RFX2: variants seen among roughly 807,000 people sequenced by gnomAD.
The protein encoded by RFX2 is regulatory factor X2.
A neutral mutation model predicts 87.8 loss-of-function variants in RFX2; 20 were observed. The observed-to-expected ratio is 0.23, with a 90% CI of 0.16 to 0.33. The LOEUF (loss-of-function observed/expected upper bound fraction) is 0.33, where lower values mean the gene tolerates loss of function less well. RFX2 is among the 10% of genes least tolerant of loss of function. RFX2 has a pLI of 1.00. For missense variants in RFX2, 767 were observed against 1,012.3 expected (o/e 0.76, Z 3.29); for synonymous variants, 397 against 431.3 (o/e 0.92, Z 0.98).
rs1490303731 is a variant in RFX2 at position 6,053,774 on chromosome 19, G to A, written c.-8-6270C>T. On this transcript the variant is annotated intron_variant, in intron 1 of 17. Transcript: ENST00000303657. The stretch of plus-strand genomic sequence containing the variant: ...AGTTTGAGACCAGCCTGGCCAACAT[G>A]GTGAAACTCTGTCTCTACTAAAAAC... Among the ~76,000 whole-genome samples the A allele has an allele frequency of 2.0e-5, 3 of 152,026 alleles. No individual in the cohort carries two copies. The East Asian group carries it at 5.8e-4, about 29-fold the overall frequency.
chr19:6,070,229 G>GT lies in RFX2; in HGVS notation c.-8-22726_-8-22725insA, dbSNP rs1431705750. 2.7e-5 allele frequency among the ~76,000 whole-genome samples: 4 copies of GT among 148,846 alleles called. 1 individual carries two copies. The highest frequency in any genetic ancestry group is 4.9e-5 in the African/African-American group (2 of 40,618). ...GGGATGGGATGGGATGGGATGGGAT[G>GT]GGATGGGATGGGATGTGGATGGGAT... On this transcript the variant is annotated intron_variant, in intron 1 of 17. Transcript: ENST00000303657.
intron 1 of RFX2, among the ~76,000 whole-genome samples, chr19:6,077,704 G>C (rs1019866563): frequency 6.6e-6 from 1 of 152,172 alleles, no homozygotes; most frequent in Non-Finnish European, 1.5e-5. Flanking sequence ...GAAGGCGGCC[G>C]GGCGCGGTGG....
chr19:6,057,362 A>G (rs1051414072), intron 1 of RFX2: 7 of 152,344 alleles, frequency 4.6e-5, no homozygotes, highest in African/African-American at 1.4e-4. Context: ...GTAACCAGCA[A>G]TGTCAGGAAA....
rs1369876005 is a variant in RFX2, at chr19:6,044,450, G to A, written c.91-168C>T. On this transcript the variant is annotated intron_variant, in intron 2 of 17. Transcript: ENST00000303657. The surrounding 1 kb of genome is among the most constrained non-coding windows in gnomAD (Gnocchi z 5.3). ...ATGGTCAGACTTGCACACTCACACC[G>A]ACCTGGGCAGACACACGGCAGGTAC... Among the ~76,000 whole-genome samples, 1 of 152,190 alleles carries A rather than the reference G, an allele frequency of 6.6e-6. No homozygotes were observed. The highest frequency in any genetic ancestry group is 1.5e-5 in the Non-Finnish European group (1 of 68,024).
rs2086599623 is a variant in RFX2 at position 6,007,563 on chromosome 19, A to T, written c.1247+127T>A. 1.6e-6 allele frequency: 1 copy of T among 633,818 alleles called. No individual in the cohort carries two copies. The highest frequency in any genetic ancestry group is 2.8e-5 in the Admixed American group (1 of 35,970). The allele number at this position is 633,818 out of a possible 1,614,324, so 39.3% of individuals were successfully genotyped here. A position where few individuals can be genotyped will look rare whatever the true frequency, so the allele number is the denominator to read the frequency against. ...TCTACCAAGTCTAAAAATTACAGGG[A>T]TGGAGGCAGAGGGGTCTGAACCCTG... On this transcript the variant is annotated intron_variant, in intron 11 of 17. Transcript: ENST00000303657. This position sits in a 1 kb window ranked among gnomAD's most constrained non-coding sequence, Gnocchi z 8.2.
intron 1 of RFX2, among the ~76,000 whole-genome samples, chr19:6,048,028 A>G (rs1599881818): frequency 6.6e-6 from 1 of 152,152 alleles, no homozygotes; most frequent in Admixed American, 6.5e-5. Flanking sequence ...GCTGAGCAGC[A>G]CCCCTGGCCT....
At chr19:6,088,410 C>T (rs1327251019) in intron 1 of RFX2, among the ~76,000 whole-genome samples, 1 of 151,960 alleles carries the variant, frequency 6.6e-6, no homozygotes, top group Non-Finnish European at 1.5e-5. Context: ...GGGGTTTCTC[C>T]CTGTTGGTCA....
chr19:6,054,480 T>C (rs1308319326), intron 1 of RFX2, among the ~76,000 whole-genome samples: 3 of 152,178 alleles, frequency 2.0e-5, no homozygotes, highest in African/African-American at 7.2e-5. Flanking sequence ...GCAAAAATAA[T>C]TTAAAATATT....
chr19:6,104,464 G>T (rs905695853), intron 1 of RFX2, among the ~76,000 whole-genome samples: 3 of 151,642 alleles, frequency 2.0e-5, no homozygotes, highest in African/African-American at 7.3e-5. Context: ...AGCTACTCGG[G>T]AGGCTGAGGC....
intron 1 of RFX2, among the ~76,000 whole-genome samples, chr19:6,065,622 A>C (rs533085183): frequency 1.3e-4 from 20 of 152,312 alleles, no homozygotes; most frequent in African/African-American, 4.6e-4. Flanking sequence ...TCCAAAAAAA[A>C]CACAAATGAC....
At chr19:6,078,498 C>T (rs1000113679) in intron 1 of RFX2, among the ~76,000 whole-genome samples, 8 of 152,206 alleles carry the variant, frequency 5.3e-5, no homozygotes, top group Non-Finnish European at 8.8e-5. Flanking sequence ...AGAAGAGGTA[C>T]CGTCTCCAAG....
intron 5 of RFX2, among the ~76,000 whole-genome samples, chr19:6,032,111 G>C (rs2086960778): frequency 6.6e-6 from 1 of 152,068 alleles, no homozygotes; most frequent in Admixed American, 6.5e-5. Context: ...AATGCAGATT[G>C]TTTTTATTTT....
At chr19:6,033,700 A>G (rs1375165983) in intron 5 of RFX2, among the ~76,000 whole-genome samples, 1 of 151,818 alleles carries the variant, frequency 6.6e-6, no homozygotes, top group Non-Finnish European at 1.5e-5. Context: ...CATGGAACGC[A>G]TACCACCAAG....
At chr19:6,049,991 C>T (rs1247155605) in intron 1 of RFX2, among the ~76,000 whole-genome samples, 1 of 152,226 alleles carries the variant, frequency 6.6e-6, no homozygotes, top group Non-Finnish European at 1.5e-5. Flanking sequence ...GTTCTGAATG[C>T]TGGGGTGTGG....
intron 1 of RFX2, among the ~76,000 whole-genome samples, chr19:6,104,280 A>T (rs58693730): frequency 0.026 from 3,910 of 151,732 alleles, 123 homozygotes; most frequent in African/African-American, 0.076. Flanking sequence ...TTTAAAAAAA[A>T]TTTTTTTGGC....
At position 6,047,473 on chromosome 19, in the gene RFX2, C is replaced by T. The variant is rs151075890; in HGVS notation, c.24G>A (p.Ala8=). The part of the protein sequence containing the change: MQNSEGG[A]DSPASVALRP... The stretch of plus-strand genomic sequence containing the variant: ...GCAGAGCCACGGACGCTGGCGAATC[C>T]GCTCCACCCTCGGAATTCTGCATGC... The change falls in exon 2 of 18, where the codon GCG becomes GCA. Residue 8 remains alanine (A), a synonymous_variant. Coordinates refer to ENST00000303657, the MANE Select transcript of RFX2 (RefSeq NM_000635.4). This position sits in a 1 kb window ranked among gnomAD's most constrained non-coding sequence, Gnocchi z 4.2. The T allele has an allele frequency of 8.1e-5, 130 of 1,608,302 alleles. No homozygotes were observed. Among genetic ancestry groups the T allele is most frequent in the Middle Eastern group, 1.6e-4 (1 of 6,076 alleles).
chr19:6,050,351 T>TAAAAAGA lies in RFX2; in HGVS notation c.-8-2854_-8-2848dup, dbSNP rs2087251844. ...TACACTCAAAAGAAAGAGTAACAAA[T>TAAAAAGA]AAAAAGAAAAAAGAAAAGCAGTTAA... On this transcript the variant is annotated intron_variant, in intron 1 of 17. Transcript: ENST00000303657. The surrounding 1 kb of genome is among the most constrained non-coding windows in gnomAD (Gnocchi z 4.6). Among the ~76,000 whole-genome samples, 1 of 150,904 alleles carries TAAAAAGA rather than the reference T, an allele frequency of 6.6e-6. No homozygotes were observed.
At chr19:6,008,849 G>GT (rs2086624463) in intron 9 of RFX2, among the ~76,000 whole-genome samples, 1 of 151,876 alleles carries the variant, frequency 6.6e-6, no homozygotes, top group Non-Finnish European at 1.5e-5. Context: ...GGCTAAGTTT[G>GT]TATTTTTTTT....
chr19:6,059,308 C>G (rs890737274), intron 1 of RFX2, among the ~76,000 whole-genome samples: 6 of 152,056 alleles, frequency 3.9e-5, no homozygotes, highest in Admixed American at 2.0e-4. Context: ...TAAAAATTGT[C>G]CAAACTAAAG....
Sources: allele counts gnomAD v4.1 joint callset (sites outside exome capture counted in the v4.1 genomes callset), GRCh38; gene constraint gnomAD v4.1.1; non-coding constraint Gnocchi (gnomAD v3.1); transcripts MANE v1.5; gene names NCBI Gene and HGNC (gene_info 2026-07-23, HGNC 2026-07-21).